The following PAX5 variants were observed in gnomAD, a reference collection of about 807,000 sequenced individuals.
PAX5 encodes the protein paired box 5.
Under a neutral mutation model 43.7 loss-of-function variants are expected in PAX5, and 9 were observed. That is an observed-to-expected ratio of 0.21 (90% CI 0.12 to 0.36). The LOEUF (loss-of-function observed/expected upper bound fraction) is 0.36. Ranked by LOEUF, PAX5 falls within the 10% of genes least tolerant of loss-of-function variation. PAX5 has a pLI of 1.00. For synonymous variants in PAX5, 228 were observed against 214.3 expected (o/e 1.06, Z -0.56); for missense variants, 383 against 532.7 (o/e 0.72, Z 2.77).
chr9:36,847,587 A>G (rs964195830), intron 8 of PAX5, among the ~76,000 whole-genome samples: 4 of 152,218 alleles, frequency 2.6e-5, no homozygotes, highest in African/African-American at 9.6e-5. Context: ...GGAGCACAGA[A>G]GAGGGAGTGG....
chr9:36,896,758 T>C (rs1050470799), intron 7 of PAX5, among the ~76,000 whole-genome samples: 3 of 152,122 alleles, frequency 2.0e-5, no homozygotes, highest in Admixed American at 6.5e-5. Flanking sequence ...GCCTCCCTCA[T>C]GGGTAATCAG....
intron 5 of PAX5, among the ~76,000 whole-genome samples, chr9:36,991,022 T>C (rs1836887477): frequency 6.6e-6 from 1 of 151,152 alleles, no homozygotes. Context: ...GCTGGGAGGA[T>C]GGCTTGAGCC....
chr9:36,999,244 G>A (rs576350220), intron 5 of PAX5, among the ~76,000 whole-genome samples: 1 of 152,164 alleles, frequency 6.6e-6, no homozygotes, highest in Non-Finnish European at 1.5e-5. Context: ...CCCAGACTTG[G>A]CACAATCTCT....
At chr9:36,913,669 G>A (rs1277386659) in intron 7 of PAX5, among the ~76,000 whole-genome samples, 4 of 152,204 alleles carry the variant, frequency 2.6e-5, no homozygotes, top group Middle Eastern at 3.2e-3. Flanking sequence ...TAGAGCAGGT[G>A]TTTAACTTAA....
At chr9:36,992,596 A>T (rs10118929) in intron 5 of PAX5, among the ~76,000 whole-genome samples, 70,621 of 152,122 alleles carry the variant, frequency 0.46, 16,795 homozygotes, top group East Asian at 0.67. Context: ...TAGAAGCAAG[A>T]AGCACTACAT....
At chr9:36,934,019 T>A (rs1363272704) in intron 6 of PAX5, among the ~76,000 whole-genome samples, 1 of 152,184 alleles carries the variant, frequency 6.6e-6, no homozygotes, top group Non-Finnish European at 1.5e-5. Flanking sequence ...TTAGGTTCCC[T>A]CTGTGGGCTG....
At chr9:37,017,994 C>T (rs1396507927) in intron 2 of PAX5, among the ~76,000 whole-genome samples, 1 of 152,188 alleles carries the variant, frequency 6.6e-6, no homozygotes, top group Non-Finnish European at 1.5e-5. Context: ...TCCTTCGGTG[C>T]AAAGAGCATT....
At chr9:36,942,312 G>A (rs1165973452) in intron 6 of PAX5, among the ~76,000 whole-genome samples, 1 of 152,238 alleles carries the variant, frequency 6.6e-6, no homozygotes, top group Non-Finnish European at 1.5e-5. Flanking sequence ...TCAAATCAGA[G>A]CCCAGGTCTC....
intron 5 of PAX5, among the ~76,000 whole-genome samples, chr9:36,974,357 A>G (rs542563637): frequency 1.3e-5 from 2 of 152,148 alleles, no homozygotes; most frequent in African/African-American, 4.8e-5. Context: ...CCCTGTTCTC[A>G]CCCCGGATAG....
chr9:36,852,243 C>T (rs1456098425), intron 8 of PAX5, among the ~76,000 whole-genome samples: 2 of 152,188 alleles, frequency 1.3e-5, no homozygotes, highest in Non-Finnish European at 2.9e-5. Flanking sequence ...TGCCCCTTCA[C>T]CCTTTGATCC....
chr9:36,972,642 G>C (rs895979487), intron 5 of PAX5, among the ~76,000 whole-genome samples: 1 of 152,192 alleles, frequency 6.6e-6, no homozygotes, highest in Non-Finnish European at 1.5e-5. Context: ...GAGGCCTGTT[G>C]GTTGGGGGTG....
At chr9:36,886,408 CA>C (rs533147882) in intron 7 of PAX5, among the ~76,000 whole-genome samples, 55 of 152,306 alleles carry the variant, frequency 3.6e-4, no homozygotes, top group Non-Finnish European at 6.3e-4. Context: ...ATTCAAGCCT[CA>C]GATCTGCTCT....
intron 6 of PAX5, among the ~76,000 whole-genome samples, chr9:36,938,562 G>A (rs982420162): frequency 2.6e-5 from 4 of 152,070 alleles, no homozygotes; most frequent in Admixed American, 2.0e-4. Context: ...CCATCCAACC[G>A]TCTCCACCTC....
In PAX5 at chr9:36,885,316, C is replaced by T. The variant is rs75739153; in HGVS notation, c.911-3211G>A. 9.1e-3 allele frequency among the ~76,000 whole-genome samples: 1,378 copies of T among 152,238 alleles called. 22 individuals are homozygous for T. The highest frequency in any genetic ancestry group is 0.029 in the African/African-American group (1,215 of 41,528). On this transcript the variant is annotated intron_variant, in intron 7 of 9. Transcript: ENST00000358127. Reference sequence around the variant, plus strand: ...AAAGGAAGACAGCAGAGCACAGTGACGAAGCATGTCAAGTCTGCCCAGGCT... The same window carrying T: ...AAAGGAAGACAGCAGAGCACAGTGATGAAGCATGTCAAGTCTGCCCAGGCT...
At chr9:37,029,022 C>T (rs1320343642) in intron 1 of PAX5, among the ~76,000 whole-genome samples, 4 of 152,196 alleles carry the variant, frequency 2.6e-5, no homozygotes, top group Non-Finnish European at 5.9e-5. Context: ...TGGGCCCTGG[C>T]TCAAGAACGA....
intron 7 of PAX5, among the ~76,000 whole-genome samples, chr9:36,904,791 A>G (rs1828685411): frequency 6.6e-6 from 1 of 152,354 alleles, no homozygotes; most frequent in African/African-American, 2.4e-5. Context: ...CGTGATTAGT[A>G]ACGACCAATC....
chr9:36,927,801 C>T (rs1179186679), intron 6 of PAX5, among the ~76,000 whole-genome samples: 8 of 152,058 alleles, frequency 5.3e-5, no homozygotes, highest in East Asian at 1.9e-4. Context: ...CTCCGCCCCC[C>T]GGGTTCAAGC....
intron 8 of PAX5, among the ~76,000 whole-genome samples, chr9:36,864,064 G>A (rs1824540901): frequency 6.6e-6 from 1 of 152,212 alleles, no homozygotes; most frequent in South Asian, 2.1e-4. Flanking sequence ...AGCCGAGATT[G>A]CACCGCTACA....
intron 8 of PAX5, among the ~76,000 whole-genome samples, chr9:36,876,394 C>T (rs1198440289): frequency 6.6e-6 from 1 of 152,260 alleles, no homozygotes; most frequent in Non-Finnish European, 1.5e-5. Context: ...GCACATTGTT[C>T]TGGTGGGCCA....
Sources: allele counts gnomAD v4.1 joint callset (sites outside exome capture counted in the v4.1 genomes callset), GRCh38; gene constraint gnomAD v4.1.1; transcripts MANE v1.5; gene names NCBI Gene and HGNC (gene_info 2026-07-23, HGNC 2026-07-21).